Variants in CHST12 observed in about 807,000 individuals in gnomAD.
CHST12 encodes the protein carbohydrate sulfotransferase 12, also known as carbohydrate (chondroitin 4) sulfotransferase 12.
In CHST12, 23 loss-of-function variants were observed where a neutral mutation model predicts 27.9. That is an observed-to-expected ratio of 0.82 (90% CI 0.59 to 1.17). The LOEUF (loss-of-function observed/expected upper bound fraction) is 1.17. CHST12 is among the 50% of genes most tolerant of loss of function. The pLI, the probability that CHST12 is intolerant of heterozygous loss-of-function variation, is 0.00. For missense variants in CHST12, 682 were observed against 603.0 expected (o/e 1.13, Z -1.37); for synonymous variants, 322 against 273.0 (o/e 1.18, Z -1.77).
At chr7:2,424,700 T>C (rs981242597) in intron 1 of CHST12, among the ~76,000 whole-genome samples, 6 of 152,192 alleles carry the variant, frequency 3.9e-5, no homozygotes, top group African/African-American at 1.4e-4. Context: ...GAGTGTTGTC[T>C]TCTGAAGCTG....
chr7:2,425,987 G>C (rs556263797), intron 1 of CHST12, among the ~76,000 whole-genome samples: 1 of 152,206 alleles, frequency 6.6e-6, no homozygotes, highest in Admixed American at 6.5e-5. Flanking sequence ...CAGTAAGCTG[G>C]AGGGAGAGAC....
rs376180053 is a variant in CHST12, at chr7:2,433,867, A to G, written c.1228A>G (p.Asn410Asp). ...TCTCTTCGGCTACCCCAAGCCCGAA[A>G]ACCTCCTCCGAGACTGAAAGCTTTC... ...FVLFGYPKPE[N>D]LLRD Residue 410 changes from asparagine (N) to aspartate (D), a missense_variant, in exon 2 of 2, where the codon AAC becomes GAC. Asn to Asp is a conservative substitution (Grantham distance 23). Transcript: ENST00000618655. The surrounding 1 kb of genome is among the most constrained non-coding windows in gnomAD (Gnocchi z 6.1). 5 of 1,578,046 alleles carry G rather than the reference A, an allele frequency of 3.2e-6. No homozygotes were observed. The African/African-American group carries it at 5.4e-5, about 17-fold the overall frequency.
In CHST12 at chr7:2,432,863, G is replaced by T. The variant is rs757030475; in HGVS notation, c.224G>T (p.Ser75Ile). ...GACGAGTTTCTGGACAAGTTTCTCA[G>T]TGCTGGCGTGAAGCAGAGCGACCTT... ...DVDEFLDKFL[S>I]AGVKQSDLPR... The change falls in exon 2 of 2, where the codon AGT (serine) becomes ATT (isoleucine). Residue 75 changes from serine (S) to isoleucine (I), a missense_variant. Transcript: ENST00000618655. The T allele has an allele frequency of 6.2e-7, 1 of 1,613,818 alleles. No homozygotes were observed. Among genetic ancestry groups the T allele is most frequent in the South Asian group, 1.1e-5 (1 of 91,088 alleles).
chr7:2,428,670 G>A (rs1048239686), intron 1 of CHST12, among the ~76,000 whole-genome samples: 13 of 152,298 alleles, frequency 8.5e-5, no homozygotes, highest in South Asian at 4.1e-4. Flanking sequence ...CATAACATCT[G>A]TATGCAGAAG....
Position 2,445,345 on chromosome 7 carries a change from G to A in CHST12, c.*11461G>A, listed in dbSNP as rs941290935. The A allele has an allele frequency of 6.6e-6, 1 of 152,338 alleles. No homozygotes were observed. Among genetic ancestry groups the A allele is most frequent in the Non-Finnish European group, 1.5e-5 (1 of 68,130 alleles). The allele number at this position is 152,338 out of a possible 1,614,324, so 9.4% of individuals were successfully genotyped here. On this transcript the variant is annotated 3_prime_UTR_variant, in exon 2 of 2. Coordinates refer to ENST00000618655, the MANE Select transcript of CHST12 (RefSeq NM_018641.5). ...TTTGCATCTTCAGAAAAAAGCTCCT[G>A]TGGGATATTTCTCCTCCAGCCGACC...
rs1360364179 is a variant in CHST12, at chr7:2,445,486, C to A, written c.*11602C>A. ...CTTTTTCCTTTTTGAGACGGAATCT[C>A]ACTGTGTCGCCCAGGCTCACTGCAA... On this transcript the variant is annotated 3_prime_UTR_variant, in exon 2 of 2. Coordinates refer to ENST00000618655, the MANE Select transcript of CHST12 (RefSeq NM_018641.5). 6.6e-6 allele frequency: 1 copy of A among 152,282 alleles called. No individual in the cohort carries two copies. Among genetic ancestry groups the A allele is most frequent in the Non-Finnish European group, 1.5e-5 (1 of 68,088 alleles). The allele number at this position is 152,282 out of a possible 1,614,324, so 9.4% of individuals were successfully genotyped here. A position where few individuals can be genotyped will look rare whatever the true frequency, so the allele number is the denominator to read the frequency against.
rs1167931554 is a variant in CHST12 at position 2,433,573 on chromosome 7, A to G, written c.934A>G (p.Thr312Ala). The change falls in exon 2 of 2, where the codon ACG (threonine) becomes GCG (alanine). Residue 312 changes from threonine (T) to alanine (A), a missense_variant. Thr to Ala is a moderately conservative substitution (Grantham distance 58). Coordinates refer to ENST00000618655, the MANE Select transcript of CHST12 (RefSeq NM_018641.5). The surrounding 1 kb of genome is among the most constrained non-coding windows in gnomAD (Gnocchi z 6.1). The part of the protein sequence containing the change: ...NFIQYLLDPH[T>A]EKLAPFNEHW... Reference sequence around the variant, plus strand: ...CATCCAGTACCTGCTGGACCCGCACACGGAGAAGCTGGCGCCCTTCAACGA... The same window carrying G: ...CATCCAGTACCTGCTGGACCCGCACGCGGAGAAGCTGGCGCCCTTCAACGA... The G allele has an allele frequency of 1.9e-6, 3 of 1,613,488 alleles. No individual in the cohort carries two copies. Among genetic ancestry groups the G allele is most frequent in the South Asian group, 1.1e-5 (1 of 91,084 alleles).
At chr7:2,425,691 CTT>C (rs760502452) in intron 1 of CHST12, among the ~76,000 whole-genome samples, 27 of 137,730 alleles carry the variant, frequency 2.0e-4, no homozygotes, top group Non-Finnish European at 1.9e-4. Flanking sequence ...ACTGCATTTG[CTT>C]TTTTTTTTTT....
rs1562519975 is a variant in CHST12 at position 2,432,827 on chromosome 7, A to C, written c.188A>C (p.Asp63Ala). The change falls in exon 2 of 2, where the codon GAC (aspartate) becomes GCC (alanine). Residue 63 changes from aspartate to alanine, a missense_variant. Coordinates refer to ENST00000618655, the MANE Select transcript of CHST12 (RefSeq NM_018641.5). ...GPDRDRELTA[D>A]SDVDEFLDKF... is the part of the protein sequence containing the mutation. ...GACAGGGACAGGGAGCTCACGGCCG[A>C]CTCCGATGTCGACGAGTTTCTGGAC... 1 of 1,613,418 alleles carries C rather than the reference A, an allele frequency of 6.2e-7. No individual in the cohort carries two copies. Among genetic ancestry groups the C allele is most frequent in the East Asian group, 2.2e-5 (1 of 44,826 alleles).
In CHST12 at chr7:2,441,598, T is replaced by G. The variant is rs1463646436; in HGVS notation, c.*7714T>G. The G allele has an allele frequency of 7.0e-6, 1 of 143,560 alleles. No homozygotes were observed. The highest frequency in any genetic ancestry group is 1.5e-5 in the Non-Finnish European group (1 of 66,726). The allele number at this position is 143,560 out of a possible 1,614,324, so 8.9% of individuals were successfully genotyped here. A position where few individuals can be genotyped will look rare whatever the true frequency, so the allele number is the denominator to read the frequency against. ...GTCCCAGCTACTTGGGAGGCTGAGG[T>G]GGGAGGATCGCTTGAGTCTGGGAGG... On this transcript the variant is annotated 3_prime_UTR_variant, in exon 2 of 2. Coordinates refer to ENST00000618655, the MANE Select transcript of CHST12 (RefSeq NM_018641.5).
rs767575231 is a variant in CHST12 at position 2,433,480 on chromosome 7, C to G, written c.841C>G (p.His281Asp). The G allele has an allele frequency of 3.7e-6, 6 of 1,611,302 alleles. No individual in the cohort carries two copies. Among genetic ancestry groups the G allele is most frequent in the Non-Finnish European group, 5.1e-6 (6 of 1,179,908 alleles). Residue 281 changes from histidine to aspartate, a missense_variant, in exon 2 of 2, where the codon CAC (histidine) becomes GAC (aspartate). His to Asp is a moderately conservative substitution (Grantham distance 81). Coordinates refer to ENST00000618655, the MANE Select transcript of CHST12 (RefSeq NM_018641.5). This position sits in a 1 kb window ranked among gnomAD's most constrained non-coding sequence, Gnocchi z 6.1. ...AVPMLRLYAN[H>D]TSLPASAREA... is the part of the protein sequence containing the mutation. Reference sequence around the variant, plus strand: ...GCCCATGCTGCGGCTGTACGCCAACCACACCAGCCTGCCCGCCTCGGCGCG... The same window carrying G: ...GCCCATGCTGCGGCTGTACGCCAACGACACCAGCCTGCCCGCCTCGGCGCG...
chr7:2,403,450 G>A (rs1269726030), upstream of CHST12: 3 of 152,010 alleles, frequency 2.0e-5, no homozygotes, highest in Non-Finnish European at 4.4e-5. Context: ...TCGCGAGGGC[G>A]GGGGCGGGCG....
At chr7:2,414,820 A>G (rs781076841) in intron 1 of CHST12, among the ~76,000 whole-genome samples, 109 of 152,316 alleles carry the variant, frequency 7.2e-4, no homozygotes, top group African/African-American at 2.5e-3. Context: ...GTTGAGGTTC[A>G]TTCTTTTTCA....
chr7:2,438,839 TGGTTGATACGG>T lies in CHST12; in HGVS notation c.*4957_*4967del, dbSNP rs1322619206. 1.4e-5 allele frequency: 2 copies of T among 146,862 alleles called. No individual in the cohort carries two copies. The highest frequency in any genetic ancestry group is 5.5e-5 in the African/African-American group (2 of 36,396). 9.1% of individuals were successfully genotyped at this position (146,862 alleles called of 1,614,324 possible). Reference sequence around the variant, plus strand: ...GATGCACCTGAGCCATTGTGTCCCATGGTTGATACGGGACGGGGCTGATTTCCTGACCTGGA... The same window carrying T: ...GATGCACCTGAGCCATTGTGTCCCATGACGGGGCTGATTTCCTGACCTGGA... On this transcript the variant is annotated 3_prime_UTR_variant, in exon 2 of 2. Transcript: ENST00000618655.
rs971885190 is a variant in CHST12 at position 2,447,983 on chromosome 7, C to A, written c.*14099C>A. ...ACCGTCCACCTCCTGGGTTCAAGCG[C>A]TTCTTCCCCAAGTAGCTGGGACTAT... On this transcript the variant is annotated 3_prime_UTR_variant, in exon 2 of 2. Transcript: ENST00000618655. The A allele has an allele frequency of 3.3e-5, 5 of 152,192 alleles. No homozygotes were observed. Among genetic ancestry groups the A allele is most frequent in the African/African-American group, 1.2e-4 (5 of 41,510 alleles). The allele number at this position is 152,192 out of a possible 1,614,324, so 9.4% of individuals were successfully genotyped here.
chr7:2,425,223 C>G (rs918501017), intron 1 of CHST12, among the ~76,000 whole-genome samples: 1 of 44,750 alleles, frequency 2.2e-5, no homozygotes, highest in Non-Finnish European at 4.3e-5. Flanking sequence ...AAAAAAACAA[C>G]AAACAAAAAA....
intron 1 of CHST12, among the ~76,000 whole-genome samples, chr7:2,422,443 C>T (rs894553984): frequency 3.9e-5 from 6 of 151,986 alleles, no homozygotes; most frequent in South Asian, 2.1e-4. Context: ...AGGGTTTCTC[C>T]GTTATTGGTC....
chr7:2,431,445 G>C (rs1275730791), intron 1 of CHST12, among the ~76,000 whole-genome samples: 1 of 152,214 alleles, frequency 6.6e-6, no homozygotes, highest in Non-Finnish European at 1.5e-5. Flanking sequence ...GGGTGGAGTA[G>C]AGTTGGAGTT....
At chr7:2,417,664 A>T (rs1423757586) in intron 1 of CHST12, among the ~76,000 whole-genome samples, 1 of 152,104 alleles carries the variant, frequency 6.6e-6, no homozygotes, top group African/African-American at 2.4e-5. Context: ...TGCTGTGATT[A>T]TAGGCATGAG....
Sources: allele counts gnomAD v4.1 joint callset (sites outside exome capture counted in the v4.1 genomes callset), GRCh38; gene constraint gnomAD v4.1.1; non-coding constraint Gnocchi (gnomAD v3.1); transcripts MANE v1.5; gene names NCBI Gene and HGNC (gene_info 2026-07-23, HGNC 2026-07-21).